Variants in KIRREL3 observed in about 807,000 individuals in gnomAD.
KIRREL3 encodes the protein kin of IRRE-like protein 3.
In KIRREL3, 36 loss-of-function variants were observed where a neutral mutation model predicts 89.7. That is an observed-to-expected ratio of 0.40 (90% CI 0.31 to 0.53). KIRREL3 has a LOEUF of 0.53. KIRREL3 is among the 20% of genes least tolerant of loss of function. KIRREL3 has a pLI of 0.49. For missense variants in KIRREL3, 864 were observed against 1,056.6 expected, an observed-to-expected ratio of 0.82 and a Z score of 2.53; for synonymous variants, 445 against 441.4, an observed-to-expected ratio of 1.01 and a Z score of -0.10.
chr11:126,830,370 G>A lies in KIRREL3; in HGVS notation c.55+170085C>T, dbSNP rs887563882. Among the ~76,000 whole-genome samples, 8 of 152,212 alleles carry A rather than the reference G, an allele frequency of 5.3e-5. No homozygotes were observed. The highest frequency in any genetic ancestry group is 1.9e-4 in the East Asian group (1 of 5,184). On this transcript the variant is annotated intron_variant, in intron 1 of 16. Transcript: ENST00000525144. The surrounding 1 kb of genome is among the most constrained non-coding windows in gnomAD (Gnocchi z 4.9). ...ATGAACAGCATCATTACCAAGTGGC[G>A]CCCACAGAATGGAACACAAAGGCAA...
chr11:126,663,448 G>A (rs540912516), intron 1 of KIRREL3, among the ~76,000 whole-genome samples: 8 of 152,214 alleles, frequency 5.3e-5, no homozygotes, highest in African/African-American at 1.4e-4. Flanking sequence ...GCCTCCCAAC[G>A]TGCTGGGATT....
chr11:126,972,863 A>T (rs1949465661), intron 1 of KIRREL3, among the ~76,000 whole-genome samples: 1 of 152,168 alleles, frequency 6.6e-6, no homozygotes, highest in African/African-American at 2.4e-5. Context: ...AAAAGGAAAA[A>T]AAGTCATTTT....
chr11:126,853,174 G>A (rs560590981), intron 1 of KIRREL3, among the ~76,000 whole-genome samples: 4 of 152,094 alleles, frequency 2.6e-5, no homozygotes, highest in South Asian at 2.1e-4. Flanking sequence ...TGTTTAAATC[G>A]CTGTGTGTGT....
At position 126,601,613 on chromosome 11, in the gene KIRREL3, T is replaced by C. The variant is rs1010409694; in HGVS notation, c.56-38701A>G. Among the ~76,000 whole-genome samples the C allele has an allele frequency of 6.6e-6, 1 of 152,188 alleles. No homozygotes were observed. The highest frequency in any genetic ancestry group is 2.4e-5 in the African/African-American group (1 of 41,436). On this transcript the variant is annotated intron_variant, in intron 1 of 16. Coordinates refer to ENST00000525144, the MANE Select transcript of KIRREL3 (RefSeq NM_032531.4). This position sits in a 1 kb window ranked among gnomAD's most constrained non-coding sequence, Gnocchi z 5.8. ...TACCTCAACACTCCGCCAGGTTTTCTCCTTATGGCACCTGAGAGAACCAGA... is the reference window on the plus strand; with the variant it reads ...TACCTCAACACTCCGCCAGGTTTTCCCCTTATGGCACCTGAGAGAACCAGA...
chr11:126,554,132 T>A (rs902417554), intron 2 of KIRREL3, among the ~76,000 whole-genome samples: 1 of 152,150 alleles, frequency 6.6e-6, no homozygotes, highest in Non-Finnish European at 1.5e-5. Context: ...GGCAGCATGA[T>A]CCTCTAGAAA....
rs957407951 is a variant in KIRREL3 at position 126,611,474 on chromosome 11, A to G, written c.56-48562T>C. Among the ~76,000 whole-genome samples the G allele has an allele frequency of 3.3e-5, 5 of 152,248 alleles. No individual in the cohort carries two copies. Among genetic ancestry groups the G allele is most frequent in the African/African-American group, 9.6e-5 (4 of 41,544 alleles). On this transcript the variant is annotated intron_variant, in intron 1 of 16. Transcript: ENST00000525144. The surrounding 1 kb of genome is among the most constrained non-coding windows in gnomAD (Gnocchi z 4.7). ...TGCATGGAAGCTATATTCCTCCTTC[A>G]TACTGGACTTTGAGGACAACGTTTT...
In KIRREL3 at chr11:126,535,259, C is replaced by T. The variant is rs750917341; in HGVS notation, c.134-8572G>A. Among the ~76,000 whole-genome samples the T allele has an allele frequency of 6.6e-6, 1 of 152,184 alleles. No individual in the cohort carries two copies. Among genetic ancestry groups the T allele is most frequent in the Non-Finnish European group, 1.5e-5 (1 of 68,038 alleles). The stretch of plus-strand genomic sequence containing the variant: ...TGCGCTTACTCCTGCCTCCTGTCAG[C>T]CCACCCGGCTTCCAACCTGGATGCA... On this transcript the variant is annotated intron_variant, in intron 2 of 16. Coordinates refer to ENST00000525144, the MANE Select transcript of KIRREL3 (RefSeq NM_032531.4). The surrounding 1 kb of genome is among the most constrained non-coding windows in gnomAD (Gnocchi z 4.5).
rs1458067247 is a variant in KIRREL3, at chr11:126,574,890, C to T, written c.56-11978G>A. On this transcript the variant is annotated intron_variant, in intron 1 of 16. Coordinates refer to ENST00000525144, the MANE Select transcript of KIRREL3 (RefSeq NM_032531.4). This position sits in a 1 kb window ranked among gnomAD's most constrained non-coding sequence, Gnocchi z 5.3. The stretch of plus-strand genomic sequence containing the variant: ...GTACGAGAAAATACCTGGGTCCACA[C>T]TGGCAATTCCTGGGTCTATTCTGGA... 6.6e-6 allele frequency among the ~76,000 whole-genome samples: 1 copy of T among 152,222 alleles called. No homozygotes were observed. The highest frequency in any genetic ancestry group is 1.5e-5 in the Non-Finnish European group (1 of 68,042).
rs1373519693 is a variant in KIRREL3, at chr11:126,908,241, G to T, written c.55+92214C>A. ...ATTTATTAAATAAATAAATCTAGGT[G>T]GATATTCCAATCGGTTGCTTTGACA... On this transcript the variant is annotated intron_variant, in intron 1 of 16. Coordinates refer to ENST00000525144, the MANE Select transcript of KIRREL3 (RefSeq NM_032531.4). The surrounding 1 kb of genome is among the most constrained non-coding windows in gnomAD (Gnocchi z 4.2). Among the ~76,000 whole-genome samples, 1 of 152,176 alleles carries T rather than the reference G, an allele frequency of 6.6e-6. No individual in the cohort carries two copies. The highest frequency in any genetic ancestry group is 1.5e-5 in the Non-Finnish European group (1 of 68,042).
intron 4 of KIRREL3, among the ~76,000 whole-genome samples, chr11:126,488,241 C>A (rs1957418984): frequency 6.6e-6 from 1 of 152,212 alleles, no homozygotes; most frequent in South Asian, 2.1e-4. Flanking sequence ...GGCTTTGGGG[C>A]CACCCAGGCC....
At chr11:126,804,300 C>T (rs1233428400) in intron 1 of KIRREL3, among the ~76,000 whole-genome samples, 1 of 152,146 alleles carries the variant, frequency 6.6e-6, no homozygotes, top group East Asian at 1.9e-4. Context: ...AGTGCAAAGT[C>T]TGAAGATGAC....
intron 1 of KIRREL3, among the ~76,000 whole-genome samples, chr11:126,834,910 G>T (rs1943728457): frequency 6.6e-6 from 1 of 152,234 alleles, no homozygotes; most frequent in Non-Finnish European, 1.5e-5. Flanking sequence ...CTCAGAGCGT[G>T]GCAGCTCCAC....
rs1246710045 is a variant in KIRREL3 at position 126,890,779 on chromosome 11, CCA to C, written c.55+109674_55+109675del. On this transcript the variant is annotated intron_variant, in intron 1 of 16. Transcript: ENST00000525144. The surrounding 1 kb of genome is among the most constrained non-coding windows in gnomAD (Gnocchi z 5.1). ...ACATGAGCGTCCCCCAGTCCCAGCA[CCA>C]CAGCGGCCTGCCTGTGCCCAGCGCT... Among the ~76,000 whole-genome samples, 1 of 152,250 alleles carries C rather than the reference CCA, an allele frequency of 6.6e-6. No homozygotes were observed. The highest frequency in any genetic ancestry group is 1.9e-4 in the East Asian group (1 of 5,198).
chr11:126,613,471 A>G (rs1027451334), intron 1 of KIRREL3, among the ~76,000 whole-genome samples: 3 of 152,164 alleles, frequency 2.0e-5, no homozygotes, highest in African/African-American at 4.8e-5. Flanking sequence ...CCACTCTGCA[A>G]TCATTTGATT....
rs766242692 is a variant in KIRREL3, at chr11:126,468,573, CTGGTCCCA to C, written c.591+4728_591+4735del. ...AGGGCTGAGGCTCATCCCTCCCCTACTGGTCCCATGGTGGAGTCACAGAGAGAATGGTC... is the reference window on the plus strand; with the variant it reads ...AGGGCTGAGGCTCATCCCTCCCCTACTGGTGGAGTCACAGAGAGAATGGTC... On this transcript the variant is annotated intron_variant, in intron 5 of 16. Transcript: ENST00000525144. Among the ~76,000 whole-genome samples, 21 of 152,228 alleles carry C rather than the reference CTGGTCCCA, an allele frequency of 1.4e-4. No homozygotes were observed. The South Asian group carries it at 1.7e-3, about 12-fold the overall frequency.
In KIRREL3 at chr11:126,696,255, T is replaced by G. The variant is rs1947090966; in HGVS notation, c.56-133343A>C. Among the ~76,000 whole-genome samples, 1 of 148,770 alleles carries G rather than the reference T, an allele frequency of 6.7e-6. No homozygotes were observed. The highest frequency in any genetic ancestry group is 1.5e-5 in the Non-Finnish European group (1 of 67,454). On this transcript the variant is annotated intron_variant, in intron 1 of 16. Transcript: ENST00000525144. The surrounding 1 kb of genome is among the most constrained non-coding windows in gnomAD (Gnocchi z 4.4). The stretch of plus-strand genomic sequence containing the variant: ...CTGGGCCACTGAGCGAGACTCTATC[T>G]CAATTAAAAAAAAAAAAAAAAGCCT...
chr11:126,449,504 G>A (rs1157680197), intron 7 of KIRREL3, among the ~76,000 whole-genome samples: 1 of 152,210 alleles, frequency 6.6e-6, no homozygotes, highest in African/African-American at 2.4e-5. Context: ...TCAGTGGGCA[G>A]ACAGCTCGCT....
intron 10 of KIRREL3, 132 bp from the exon 11 acceptor site, chr11:126,440,681 A>G: frequency 1.2e-6 from 1 of 809,652 alleles, no homozygotes; most frequent in Non-Finnish European, 2.1e-6. Flanking sequence ...TGTATGTGCA[A>G]GGTAAAGTGC....
chr11:126,604,350 C>T (rs1942798996), intron 1 of KIRREL3, among the ~76,000 whole-genome samples: 1 of 152,238 alleles, frequency 6.6e-6, no homozygotes, highest in Non-Finnish European at 1.5e-5. Flanking sequence ...TCCATACATA[C>T]TGGCTGCATT....
Sources: allele counts gnomAD v4.1 joint callset (sites outside exome capture counted in the v4.1 genomes callset), GRCh38; gene constraint gnomAD v4.1.1; non-coding constraint Gnocchi (gnomAD v3.1); transcripts MANE v1.5; gene names NCBI Gene and HGNC (gene_info 2026-07-23, HGNC 2026-07-21).